RNF130: variants seen among roughly 807,000 people sequenced by gnomAD.
RNF130 encodes E3 ubiquitin-protein ligase RNF130.
In RNF130, 21 loss-of-function variants were observed where a neutral mutation model predicts 44.6. That is an observed-to-expected ratio of 0.47 (90% confidence interval 0.33 to 0.68). RNF130 has a LOEUF of 0.68. Among genes scored for constraint, RNF130 ranks in the 30% least tolerant of loss-of-function variants. The pLI is 0.02. For synonymous variants in RNF130, 214 were observed against 210.4 expected, an observed-to-expected ratio of 1.02 and a Z score of -0.15; for missense variants, 479 against 560.6, an observed-to-expected ratio of 0.85 and a Z score of 1.47.
chr5:179,976,035 A>T (rs1040367512), intron 5 of RNF130, among the ~76,000 whole-genome samples: 1 of 152,164 alleles, frequency 6.6e-6, no homozygotes, highest in African/African-American at 2.4e-5. Flanking sequence ...TAAATTTTAA[A>T]AAGAGGGCCA....
At chr5:179,958,088 G>A (rs944725068) in intron 8 of RNF130, among the ~76,000 whole-genome samples, 26 of 151,962 alleles carry the variant, frequency 1.7e-4, no homozygotes, top group African/African-American at 2.9e-4. Flanking sequence ...TGTTTTAGCC[G>A]GGATGGTCTC....
At chr5:180,053,619 A>C (rs1764736376) in intron 1 of RNF130, among the ~76,000 whole-genome samples, 1 of 152,154 alleles carries the variant, frequency 6.6e-6, no homozygotes, top group African/African-American at 2.4e-5. Context: ...CAAAAGTTTT[A>C]TTATTTTTTT....
intron 4 of RNF130, among the ~76,000 whole-genome samples, chr5:179,978,739 G>T (rs1016165948): frequency 6.6e-6 from 1 of 152,190 alleles, no homozygotes; most frequent in African/African-American, 2.4e-5. Context: ...GCAGACTGCT[G>T]TCTAGAAACC....
chr5:180,015,239 A>C (rs1469814967), intron 2 of RNF130: 1 of 453,750 alleles, frequency 2.2e-6, no homozygotes, highest in African/African-American at 2.0e-5. Flanking sequence ...ATAATGCTAA[A>C]CCGCTTTAAA....
intron 7 of RNF130, among the ~76,000 whole-genome samples, chr5:179,933,330 G>A (rs1434843087): frequency 6.7e-6 from 1 of 149,932 alleles, no homozygotes; most frequent in Non-Finnish European, 1.5e-5. Flanking sequence ...ATCAATTTTG[G>A]TACTTTGTAT....
intron 7 of RNF130, among the ~76,000 whole-genome samples, chr5:179,926,301 T>C (rs902270138): frequency 6.6e-6 from 1 of 152,220 alleles, no homozygotes; most frequent in African/African-American, 2.4e-5. Context: ...TCTTTTGAAT[T>C]TTCCTTTTTC....
At chr5:179,963,180 T>C (rs1008670437) in intron 8 of RNF130, among the ~76,000 whole-genome samples, 1 of 152,256 alleles carries the variant, frequency 6.6e-6, no homozygotes, top group African/African-American at 2.4e-5. Flanking sequence ...AAGACTATAC[T>C]GCTCCTTTGC....
At chr5:179,946,801 G>A (rs1346315029) in intron 7 of RNF130, among the ~76,000 whole-genome samples, 5 of 152,148 alleles carry the variant, frequency 3.3e-5, no homozygotes, top group Non-Finnish European at 7.3e-5. Flanking sequence ...TGATCCACCA[G>A]CCTCGGCCTC....
At chr5:179,954,133 T>C (rs894708420), downstream of RNF130, among the ~76,000 whole-genome samples, 2 of 152,240 alleles carry the variant, frequency 1.3e-5, no homozygotes, top group Middle Eastern at 3.2e-3. Context: ...GCAACCCGCA[T>C]ACTCTCTTGG....
chr5:179,979,749 G>T (rs915740503), intron 4 of RNF130, among the ~76,000 whole-genome samples: 5 of 152,166 alleles, frequency 3.3e-5, no homozygotes, highest in Non-Finnish European at 5.9e-5. Context: ...ATTGTAAAGA[G>T]AGCACCTTTT....
At chr5:179,997,982 C>A (rs1014822413) in intron 3 of RNF130, among the ~76,000 whole-genome samples, 9 of 151,840 alleles carry the variant, frequency 5.9e-5, no homozygotes, top group Non-Finnish European at 1.3e-4. Flanking sequence ...GCTGAGACTA[C>A]AGGTGCGCGC....
chr5:179,988,088 C>G (rs1469758419), intron 3 of RNF130, among the ~76,000 whole-genome samples: 1 of 152,170 alleles, frequency 6.6e-6, no homozygotes, highest in East Asian at 1.9e-4. Flanking sequence ...GTAAAGCCAT[C>G]TGGTCCTGAG....
intron 7 of RNF130, among the ~76,000 whole-genome samples, chr5:179,922,301 TA>T (rs943233766): frequency 2.0e-5 from 3 of 152,044 alleles, no homozygotes; most frequent in African/African-American, 4.8e-5. Context: ...ACTGGGCTTT[TA>T]AAAAAAATTT....
chr5:180,047,039 C>T (rs1476189513), intron 1 of RNF130, among the ~76,000 whole-genome samples: 2 of 152,086 alleles, frequency 1.3e-5, no homozygotes, highest in African/African-American at 4.8e-5. Context: ...ATCCTGACTA[C>T]GGTAATGTTC....
chr5:180,017,775 G>C (rs1259612946), intron 2 of RNF130, among the ~76,000 whole-genome samples: 1 of 152,164 alleles, frequency 6.6e-6, no homozygotes, highest in African/African-American at 2.4e-5. Flanking sequence ...GAGGCCAACA[G>C]AAGGAACCTC....
chr5:180,033,937 T>C (rs1254941271), intron 2 of RNF130, among the ~76,000 whole-genome samples: 2 of 152,240 alleles, frequency 1.3e-5, no homozygotes, highest in African/African-American at 2.4e-5. Context: ...TGAGTAAGTA[T>C]AATGTTGAAT....
intron 3 of RNF130, among the ~76,000 whole-genome samples, chr5:180,009,198 A>G (rs1317100692): frequency 6.6e-6 from 1 of 152,214 alleles, no homozygotes; most frequent in Non-Finnish European, 1.5e-5. Flanking sequence ...AGGGATAAGT[A>G]AAGAATTTTT....
chr5:180,023,082 G>A (rs1354022316), intron 2 of RNF130, among the ~76,000 whole-genome samples: 1 of 152,208 alleles, frequency 6.6e-6, no homozygotes, highest in Non-Finnish European at 1.5e-5. Context: ...GATGGCAAGA[G>A]CCAGGTTTTT....
chr5:180,059,694 A>G (rs1764925855), intron 1 of RNF130, among the ~76,000 whole-genome samples: 1 of 152,226 alleles, frequency 6.6e-6, no homozygotes, highest in African/African-American at 2.4e-5. Flanking sequence ...AGCCGTGAAA[A>G]CAACTGACCC....
Sources: allele counts gnomAD v4.1 joint callset (sites outside exome capture counted in the v4.1 genomes callset), GRCh38; gene constraint gnomAD v4.1.1; transcripts MANE v1.5; gene names NCBI Gene and HGNC (gene_info 2026-07-23, HGNC 2026-07-21).